Variants in LMCD1 observed in about 807,000 individuals in gnomAD.
The protein encoded by LMCD1 is LIM and cysteine rich domains 1, also known as LIM and cysteine-rich domains protein 1.
LMCD1 carries 32 observed loss-of-function variants against 42.7 expected under a neutral mutation model. That is an observed-to-expected ratio of 0.75 (90% CI 0.57 to 1.01). LMCD1 has a LOEUF of 1.01. Among genes scored for constraint, LMCD1 ranks in the 50% least tolerant of loss-of-function variants. LMCD1 has a pLI of 0.00. For synonymous variants in LMCD1, 178 were observed against 184.9 expected (o/e 0.96, Z 0.30); for missense variants, 458 against 483.1 (o/e 0.95, Z 0.49).
intron 4 of LMCD1, chr3:8,550,735 G>T (rs528911906): frequency 1.5e-5 from 15 of 984,568 alleles, no homozygotes; most frequent in Non-Finnish European, 1.8e-5. Flanking sequence ...GTCTTTTCCC[G>T]CCCCACCCTG....
In LMCD1 at chr3:8,537,916, T is replaced by C. The variant is rs564160758; in HGVS notation, c.387+476T>C. ...TTAGGAGGGAGAGCCAAACTGGTTT[T>C]ATATAACCTTGAACAAAAGCAACCA... On this transcript the variant is annotated intron_variant, in intron 3 of 5. Coordinates refer to ENST00000157600, the MANE Select transcript of LMCD1 (RefSeq NM_014583.4). 7.2e-5 allele frequency among the ~76,000 whole-genome samples: 11 copies of C among 152,280 alleles called. No homozygotes were observed. The South Asian group carries it at 2.3e-3, about 32-fold the overall frequency.
At chr3:8,553,948 C>T (rs913016426) in intron 4 of LMCD1, among the ~76,000 whole-genome samples, 10 of 152,082 alleles carry the variant, frequency 6.6e-5, no homozygotes, top group South Asian at 4.2e-4. Flanking sequence ...TCCCATTGTG[C>T]GGGGATGGAG....
intron 4 of LMCD1, among the ~76,000 whole-genome samples, chr3:8,560,715 T>G (rs1193074121): frequency 6.6e-6 from 1 of 152,196 alleles, no homozygotes; most frequent in African/African-American, 2.4e-5. Context: ...AGATGATGAC[T>G]GGTCACTGAT....
At chr3:8,541,275 T>G (rs1694621147) in intron 3 of LMCD1, among the ~76,000 whole-genome samples, 1 of 152,088 alleles carries the variant, frequency 6.6e-6, no homozygotes, top group African/African-American at 2.4e-5. Flanking sequence ...GGGGGCCAGG[T>G]GCAGTGGCTC....
intron 4 of LMCD1, among the ~76,000 whole-genome samples, chr3:8,557,269 T>G (rs540075751): frequency 6.6e-6 from 1 of 152,230 alleles, no homozygotes; most frequent in South Asian, 2.1e-4. Flanking sequence ...CTGGGATACA[T>G]GAGGCTGCAA....
intron 3 of LMCD1, among the ~76,000 whole-genome samples, chr3:8,538,749 T>A (rs1003114238): frequency 1.3e-5 from 2 of 152,372 alleles, no homozygotes; most frequent in South Asian, 4.1e-4. Context: ...ACAACTTTTA[T>A]TGCAAACAGA....
At chr3:8,550,625 G>T (rs1280525318) in intron 4 of LMCD1, 4 of 984,882 alleles carry the variant, frequency 4.1e-6, no homozygotes, top group Non-Finnish European at 4.8e-6. Flanking sequence ...TACAGATTTG[G>T]CAGTGACGCA....
intron 1 of LMCD1, among the ~76,000 whole-genome samples, chr3:8,505,114 TTGG>T (rs1385706871): frequency 3.9e-5 from 6 of 152,350 alleles, no homozygotes; most frequent in African/African-American, 1.4e-4. Context: ...ATGGCAGTCC[TTGG>T]TGGTGGCGGT....
At position 8,574,536 on chromosome 3, in the gene LMCD1, G is replaced by A. The variant is rs550231331; in HGVS notation, c.*6938G>A. The A allele has an allele frequency of 8.5e-5, 13 of 152,324 alleles. No individual in the cohort carries two copies. Among genetic ancestry groups the A allele is most frequent in the African/African-American group, 2.4e-4 (10 of 41,582 alleles). 9.4% of individuals were successfully genotyped at this position (152,324 alleles called of 1,614,324 possible). A position where few individuals can be genotyped will look rare whatever the true frequency, so the allele number is the denominator to read the frequency against. ...ACAGAGCTGCAGCAGAGCCAGGAGA[G>A]AAGCCAAGTGGCACAGCTCATCTTG... On this transcript the variant is annotated 3_prime_UTR_variant, in exon 6 of 6. Transcript: ENST00000157600.
chr3:8,553,954 T>G (rs981125166), intron 4 of LMCD1, among the ~76,000 whole-genome samples: 1 of 152,062 alleles, frequency 6.6e-6, no homozygotes, highest in Non-Finnish European at 1.5e-5. Context: ...TGTGCGGGGA[T>G]GGAGGGTAGG....
At chr3:8,554,016 A>G (rs2125035257) in intron 4 of LMCD1, among the ~76,000 whole-genome samples, 1 of 152,328 alleles carries the variant, frequency 6.6e-6, no homozygotes, top group African/African-American at 2.4e-5. Context: ...GTGAGGCTGC[A>G]GCAGGCACTG....
intron 3 of LMCD1, among the ~76,000 whole-genome samples, chr3:8,541,634 T>C (rs1694629036): frequency 6.6e-6 from 1 of 152,244 alleles, no homozygotes; most frequent in African/African-American, 2.4e-5. Flanking sequence ...AAATGCTTCC[T>C]GCTAAAGGTT....
At chr3:8,546,021 G>A (rs920908291) in intron 3 of LMCD1, among the ~76,000 whole-genome samples, 8 of 152,042 alleles carry the variant, frequency 5.3e-5, no homozygotes, top group Admixed American at 2.0e-4. Flanking sequence ...CAGCCACTCC[G>A]GATTCTCCTG....
In LMCD1 at chr3:8,569,247, C is replaced by G. The variant is rs1376374017; in HGVS notation, c.*1649C>G. The G allele has an allele frequency of 6.6e-6, 1 of 152,178 alleles. No homozygotes were observed. The highest frequency in any genetic ancestry group is 1.5e-5 in the Non-Finnish European group (1 of 68,052). 9.4% of individuals were successfully genotyped at this position (152,178 alleles called of 1,614,324 possible). ...TTTCTTCCTAAGCATGCAGAAGCTC[C>G]CTCTGATCAAGCCCTTCCCTTTGCT... On this transcript the variant is annotated 3_prime_UTR_variant, in exon 6 of 6. Transcript: ENST00000157600.
At position 8,571,261 on chromosome 3, in the gene LMCD1, A is replaced by G. The variant is rs1695213077; in HGVS notation, c.*3663A>G. ...AGCCTTCCCCTATGAACTTCTAAAG[A>G]ATAATCGTATTATCTTTATTTCCCC... is the stretch of plus-strand genomic sequence containing the variant. On this transcript the variant is annotated 3_prime_UTR_variant, in exon 6 of 6. Transcript: ENST00000157600. 1 of 152,236 alleles carries G rather than the reference A, an allele frequency of 6.6e-6. No homozygotes were observed. The highest frequency in any genetic ancestry group is 1.5e-5 in the Non-Finnish European group (1 of 68,046). 9.4% of individuals were successfully genotyped at this position (152,236 alleles called of 1,614,324 possible).
At chr3:8,521,803 T>G (rs1459870177) in intron 1 of LMCD1, among the ~76,000 whole-genome samples, 1 of 152,180 alleles carries the variant, frequency 6.6e-6, no homozygotes, top group Non-Finnish European at 1.5e-5. Flanking sequence ...GCTGGTAGAT[T>G]CGGTTGGTAG....
intron 1 of LMCD1, among the ~76,000 whole-genome samples, chr3:8,520,539 T>A (rs748264128): frequency 3.9e-5 from 6 of 152,210 alleles, no homozygotes; most frequent in Non-Finnish European, 5.9e-5. Flanking sequence ...TATTTTCTTC[T>A]ATCTTGATTT....
rs917576525 is a variant in LMCD1 at position 8,570,913 on chromosome 3, C to G, written c.*3315C>G. 6.6e-5 allele frequency: 10 copies of G among 152,276 alleles called. No homozygotes were observed. The highest frequency in any genetic ancestry group is 2.4e-4 in the African/African-American group (10 of 41,460). 9.4% of individuals were successfully genotyped at this position (152,276 alleles called of 1,614,324 possible). Reference sequence around the variant, plus strand: ...GTGTGTGCCCCTGCTTTCCTCACCTCTGTACCATCACTCACGCTGTGCTTT... The same window carrying G: ...GTGTGTGCCCCTGCTTTCCTCACCTGTGTACCATCACTCACGCTGTGCTTT... On this transcript the variant is annotated 3_prime_UTR_variant, in exon 6 of 6. Transcript: ENST00000157600.
intron 1 of LMCD1, chr3:8,514,977 T>G (rs141784204): frequency 2.2e-6 from 1 of 456,602 alleles, no homozygotes; most frequent in Admixed American, 2.3e-5. Flanking sequence ...TACTGGAGAT[T>G]GGTGCATTTC....
Sources: gnomAD v4.1 joint callset for allele counts (sites outside exome capture counted in the v4.1 genomes callset) on GRCh38, gnomAD v4.1.1 for gene constraint, MANE v1.5 for transcripts, NCBI Gene and HGNC (gene_info 2026-07-23, HGNC 2026-07-21) for gene names.